The following ERC2 variants were observed in gnomAD, a reference collection of about 807,000 sequenced individuals.
ERC2 encodes ELKS/RAB6-interacting/CAST family member 2.
A neutral mutation model predicts 114.8 loss-of-function variants in ERC2; 42 were observed. The ratio of observed to expected loss-of-function variants is 0.37; its 90% CI spans 0.29 to 0.47. The LOEUF (loss-of-function observed/expected upper bound fraction) is 0.47, where lower values mean the gene tolerates loss of function less well. Among genes scored for constraint, ERC2 ranks in the 20% least tolerant of loss-of-function variants. The pLI is 0.99. For missense variants in ERC2, 939 were observed against 1,150.7 expected, an observed-to-expected ratio of 0.82 and a Z score of 2.66; for synonymous variants, 454 against 425.5, an observed-to-expected ratio of 1.07 and a Z score of -0.82.
At chr3:55,808,987 G>A (rs1183621393) in intron 14 of ERC2, among the ~76,000 whole-genome samples, 1 of 151,520 alleles carries the variant, frequency 6.6e-6, no homozygotes, top group Non-Finnish European at 1.5e-5. Context: ...GTATGAACAA[G>A]TAAGATATTT....
At chr3:55,951,719 A>G (rs2067531419) in intron 12 of ERC2, among the ~76,000 whole-genome samples, 2 of 152,024 alleles carry the variant, frequency 1.3e-5, no homozygotes, top group Non-Finnish European at 2.9e-5. Context: ...CCCATACCAC[A>G]GCATTGCCAG....
chr3:56,140,360 T>C (rs911906854), intron 5 of ERC2, among the ~76,000 whole-genome samples: 7 of 152,248 alleles, frequency 4.6e-5, no homozygotes, highest in Admixed American at 4.6e-4. Flanking sequence ...AGGCTGATCA[T>C]ATATTTTTGC....
chr3:56,149,813 T>C (rs2081324902), intron 4 of ERC2, among the ~76,000 whole-genome samples: 1 of 152,132 alleles, frequency 6.6e-6, no homozygotes, highest in East Asian at 1.9e-4. Flanking sequence ...GTTCAACCTA[T>C]TGATTTATGG....
chr3:55,598,667 T>C (rs987317256), intron 17 of ERC2, among the ~76,000 whole-genome samples: 1 of 152,254 alleles, frequency 6.6e-6, no homozygotes, highest in Non-Finnish European at 1.5e-5. Flanking sequence ...TAATGTTCCT[T>C]TGAATCTGAT....
At chr3:56,224,553 T>C (rs953635884) in intron 3 of ERC2, among the ~76,000 whole-genome samples, 2 of 152,138 alleles carry the variant, frequency 1.3e-5, no homozygotes, top group South Asian at 4.1e-4. Context: ...TCCTTTGTCA[T>C]GGCATATGAC....
intron 2 of ERC2, among the ~76,000 whole-genome samples, chr3:56,346,882 G>A (rs1473702972): frequency 1.3e-5 from 2 of 152,146 alleles, no homozygotes; most frequent in Non-Finnish European, 2.9e-5. Context: ...GGGAGAGCAC[G>A]AGATGGAGTT....
At chr3:56,169,230 TC>T (rs1177374783) in intron 4 of ERC2, among the ~76,000 whole-genome samples, 1 of 152,224 alleles carries the variant, frequency 6.6e-6, no homozygotes, top group Non-Finnish European at 1.5e-5. Context: ...AACCCTTATG[TC>T]ACTCATATAT....
At chr3:56,435,327 T>C (rs2061969639) in intron 1 of ERC2, among the ~76,000 whole-genome samples, 180 bp from the exon 2 acceptor site, 1 of 152,112 alleles carries the variant, frequency 6.6e-6, no homozygotes, top group Admixed American at 6.5e-5. Flanking sequence ...CTCTAGAACT[T>C]TACTACTACA....
At chr3:55,972,435 A>G (rs1243433476) in intron 12 of ERC2, among the ~76,000 whole-genome samples, 2 of 152,008 alleles carry the variant, frequency 1.3e-5, no homozygotes, top group Non-Finnish European at 2.9e-5. Context: ...CTTGTCCCCA[A>G]CACCCCAACA....
chr3:56,060,331 C>T (rs1029739916), intron 7 of ERC2, among the ~76,000 whole-genome samples: 4 of 152,184 alleles, frequency 2.6e-5, no homozygotes, highest in African/African-American at 9.7e-5. Flanking sequence ...CTGCATTATC[C>T]ACAGCAATTA....
intron 2 of ERC2, among the ~76,000 whole-genome samples, chr3:56,343,192 T>TCACACACACACACACACA (rs61632315): frequency 0.015 from 1,911 of 125,968 alleles, 14 homozygotes; most frequent in Middle Eastern, 0.023. Context: ...TCTCTCTCTC[T>TCACACACACACACACACA]CACACACACA....
At chr3:56,049,834 G>A (rs906961872) in intron 7 of ERC2, among the ~76,000 whole-genome samples, 9 of 149,606 alleles carry the variant, frequency 6.0e-5, no homozygotes, top group African/African-American at 2.2e-4. Flanking sequence ...GTGTGTGTGT[G>A]TGTGTGTGTG....
rs1160186584 is a variant in ERC2 at position 55,997,897 on chromosome 3, T to G, written c.2062-5647A>C. ...TTAATTCTGTTTTTTTTTTTTTTTT[T>G]TTTTTTTTTTGTGTGTGTGTGTGTG... On this transcript the variant is annotated intron_variant, in intron 10 of 17. Coordinates refer to ENST00000288221, the MANE Select transcript of ERC2 (RefSeq NM_015576.3). Among the ~76,000 whole-genome samples, 7 of 54,034 alleles carry G rather than the reference T, an allele frequency of 1.3e-4. 1 individual carries two copies. The highest frequency in any genetic ancestry group is 9.1e-4 in the Admixed American group (4 of 4,416). The allele number at this position is 54,034 out of a possible 152,430, so 35.4% of individuals were successfully genotyped here. A position where few individuals can be genotyped will look rare whatever the true frequency, so the allele number is the denominator to read the frequency against.
chr3:56,151,946 C>T (rs2081434392), intron 4 of ERC2, among the ~76,000 whole-genome samples: 1 of 152,210 alleles, frequency 6.6e-6, no homozygotes, highest in African/African-American at 2.4e-5. Flanking sequence ...TTCATCTGAA[C>T]ATTTTTACAA....
intron 3 of ERC2, among the ~76,000 whole-genome samples, chr3:56,203,917 T>G (rs1053793521): frequency 1.3e-5 from 2 of 151,982 alleles, no homozygotes; most frequent in Admixed American, 6.6e-5. Context: ...CCTGGTGGCT[T>G]ACGCCTGTAA....
intron 2 of ERC2, among the ~76,000 whole-genome samples, chr3:56,359,858 A>G (rs1375344753): frequency 6.7e-6 from 1 of 149,388 alleles, no homozygotes; most frequent in Non-Finnish European, 1.5e-5. Flanking sequence ...ATGAAAACTA[A>G]CAGAGTGAGA....
chr3:55,514,689 C>T (rs909873929), intron 17 of ERC2, among the ~76,000 whole-genome samples: 1 of 152,150 alleles, frequency 6.6e-6, no homozygotes, highest in African/African-American at 2.4e-5. Context: ...AGACCTACAA[C>T]CACGAGGAAA....
intron 16 of ERC2, among the ~76,000 whole-genome samples, chr3:55,694,115 C>T (rs2062808761): frequency 6.6e-6 from 1 of 152,140 alleles, no homozygotes; most frequent in Admixed American, 6.5e-5. Flanking sequence ...ATAAGTGGAT[C>T]CATCATAGTT....
chr3:55,945,886 GAGAA>G (rs2067094358), intron 13 of ERC2, among the ~76,000 whole-genome samples: 1 of 152,096 alleles, frequency 6.6e-6, no homozygotes, highest in Admixed American at 6.5e-5. Flanking sequence ...ATAAATTGAA[GAGAA>G]TTCTGCAGAC....
Sources: gnomAD v4.1 joint callset for allele counts (sites outside exome capture counted in the v4.1 genomes callset) on GRCh38, gnomAD v4.1.1 for gene constraint, MANE v1.5 for transcripts, NCBI Gene and HGNC (gene_info 2026-07-23, HGNC 2026-07-21) for gene names.